DPP6: variants seen among roughly 807,000 people sequenced by gnomAD.
DPP6 encodes the protein A-type potassium channel modulatory protein DPP6.
Under a neutral mutation model 122.6 loss-of-function variants are expected in DPP6, and 69 were observed. The observed-to-expected ratio is 0.56, with a 90% CI of 0.46 to 0.69. DPP6 has a LOEUF of 0.69. DPP6 is among the 30% of genes least tolerant of loss of function. DPP6 has a pLI of 0.00. For missense variants in DPP6, 928 were observed against 1,116.9 expected, an observed-to-expected ratio of 0.83 and a Z score of 2.41; for synonymous variants, 418 against 433.1, an observed-to-expected ratio of 0.97 and a Z score of 0.43.
chr7:154,183,984 T>C (rs973344104), intron 1 of DPP6, among the ~76,000 whole-genome samples: 7 of 152,220 alleles, frequency 4.6e-5, no homozygotes, highest in African/African-American at 1.7e-4. Context: ...GTCCATTCCC[T>C]TAGCATAAGA....
Position 154,624,986 on chromosome 7 carries a change from G to A in DPP6, c.628-12835G>A, listed in dbSNP as rs1226755736. On this transcript the variant is annotated intron_variant, in intron 5 of 25. Coordinates refer to ENST00000377770, the MANE Select transcript of DPP6 (RefSeq NM_130797.4). This position sits in a 1 kb window ranked among gnomAD's most constrained non-coding sequence, Gnocchi z 4.7. ...TAAACTGTGACATCACCATCACCCG[G>A]ACACCAGTGGGATTTATGTTGTGTG... 1.3e-5 allele frequency among the ~76,000 whole-genome samples: 2 copies of A among 152,168 alleles called. No homozygotes were observed. Among genetic ancestry groups the A allele is most frequent in the Non-Finnish European group, 2.9e-5 (2 of 68,034 alleles).
At chr7:154,382,510 G>A (rs976725825) in intron 1 of DPP6, among the ~76,000 whole-genome samples, 3 of 152,188 alleles carry the variant, frequency 2.0e-5, no homozygotes, top group Non-Finnish European at 4.4e-5. Flanking sequence ...TCAAGTTCAA[G>A]GATTTGTCCT....
At chr7:153,997,775 G>A (rs1193044130) in intron 1 of DPP6, among the ~76,000 whole-genome samples, 1 of 149,106 alleles carries the variant, frequency 6.7e-6, no homozygotes, top group African/African-American at 2.5e-5. Context: ...ACTGCTGTTC[G>A]GGTGCTGGGG....
At chr7:154,333,657 C>T (rs1809148641) in intron 1 of DPP6, among the ~76,000 whole-genome samples, 1 of 152,142 alleles carries the variant, frequency 6.6e-6, no homozygotes, top group African/African-American at 2.4e-5. Flanking sequence ...TTGTAAGATG[C>T]ACTAGGGATG....
chr7:154,191,981 A>AG (rs1375396753), intron 1 of DPP6, among the ~76,000 whole-genome samples: 2 of 152,208 alleles, frequency 1.3e-5, no homozygotes, highest in African/African-American at 4.8e-5. Flanking sequence ...AAGAGGCAGG[A>AG]GAAAAAAAAC....
intron 7 of DPP6, among the ~76,000 whole-genome samples, chr7:154,684,169 C>T (rs1839454965): frequency 6.6e-6 from 1 of 152,088 alleles, no homozygotes; most frequent in Non-Finnish European, 1.5e-5. Context: ...GTGCCCAGCC[C>T]AGGACACACT....
intron 1 of DPP6, among the ~76,000 whole-genome samples, chr7:153,890,028 G>C (rs780848801): frequency 3.3e-5 from 5 of 152,142 alleles, no homozygotes; most frequent in Non-Finnish European, 7.4e-5. Flanking sequence ...AGCCTCTCTT[G>C]GATTAGATGA....
intron 3 of DPP6, among the ~76,000 whole-genome samples, chr7:154,503,427 G>A (rs1478808972): frequency 1.3e-5 from 2 of 152,124 alleles, no homozygotes; most frequent in Non-Finnish European, 2.9e-5. Context: ...TCACCTACAC[G>A]ATGTACCTGA....
chr7:154,371,832 C>T (rs913587673), intron 1 of DPP6, among the ~76,000 whole-genome samples: 2 of 152,204 alleles, frequency 1.3e-5, no homozygotes, highest in South Asian at 4.1e-4. Flanking sequence ...CAAATCTACA[C>T]AAACATGACC....
intron 7 of DPP6, among the ~76,000 whole-genome samples, chr7:154,714,254 C>G (rs191269977): frequency 6.4e-4 from 97 of 152,318 alleles, no homozygotes; most frequent in African/African-American, 1.6e-3. Context: ...CCACATTTTC[C>G]TGTCTTCTTC....
intron 1 of DPP6, among the ~76,000 whole-genome samples, chr7:154,277,503 C>T (rs1804220197): frequency 6.6e-6 from 1 of 152,226 alleles, no homozygotes; most frequent in South Asian, 2.1e-4. Flanking sequence ...GAGGCTCACG[C>T]CTGTAATCCC....
intron 16 of DPP6, among the ~76,000 whole-genome samples, chr7:154,820,277 G>C (rs1409010929): frequency 6.6e-6 from 1 of 152,190 alleles, no homozygotes; most frequent in Non-Finnish European, 1.5e-5. Flanking sequence ...TAAAGATCTT[G>C]TCCATCTGCT....
At chr7:154,725,351 G>A (rs888397991) in intron 7 of DPP6, among the ~76,000 whole-genome samples, 7 of 152,180 alleles carry the variant, frequency 4.6e-5, no homozygotes, top group African/African-American at 1.7e-4. Flanking sequence ...AAAGAAAAGA[G>A]GTTTAATTGA....
intron 17 of DPP6, among the ~76,000 whole-genome samples, chr7:154,854,596 C>T (rs545893928): frequency 3.9e-5 from 6 of 152,142 alleles, no homozygotes; most frequent in South Asian, 2.1e-4. Context: ...CAATGCAGGC[C>T]GAAGACAGGT....
At chr7:153,782,006 ACACG>A in the DPP6 span, among the ~76,000 whole-genome samples, 1 of 126,604 alleles carries the variant, frequency 7.9e-6, no homozygotes, top group African/African-American at 3.0e-5. Context: ...ACACACACAC[ACACG>A]CCTGACATTT....
chr7:154,801,549 C>G (rs773758734), intron 13 of DPP6, 87 bp downstream of exon 13: 5 of 1,450,334 alleles, frequency 3.4e-6, no homozygotes, highest in Non-Finnish European at 4.5e-6. Flanking sequence ...GGCACACTTG[C>G]GTTTTCGAGG....
chr7:154,070,329 G>A (rs910797857), intron 1 of DPP6, among the ~76,000 whole-genome samples: 4 of 151,710 alleles, frequency 2.6e-5, no homozygotes, highest in African/African-American at 7.2e-5. Flanking sequence ...TAATTATATG[G>A]AAGAAAACCT....
intron 1 of DPP6, among the ~76,000 whole-genome samples, chr7:153,962,426 C>T (rs1364900554): frequency 2.6e-5 from 4 of 152,156 alleles, no homozygotes; most frequent in African/African-American, 4.8e-5. Flanking sequence ...GTCTTTTGTG[C>T]TTCTCTTCCT....
intron 1 of DPP6, chr7:154,026,819 C>T (rs1798976104): frequency 1.3e-5 from 2 of 152,308 alleles, no homozygotes; most frequent in South Asian, 4.2e-4. Context: ...GTGGTTCTAG[C>T]CTTTCTGTAA....
Sources: gnomAD v4.1 joint callset for allele counts (sites outside exome capture counted in the v4.1 genomes callset) on GRCh38, gnomAD v4.1.1 for gene constraint, Gnocchi (gnomAD v3.1) non-coding constraint, MANE v1.5 for transcripts, NCBI Gene and HGNC (gene_info 2026-07-23, HGNC 2026-07-21) for gene names.